Variants in RNF125 observed in about 807,000 individuals in gnomAD.
RNF125 encodes E3 ubiquitin-protein ligase RNF125.
RNF125 carries 21 observed loss-of-function variants against 26.0 expected under a neutral mutation model. The observed-to-expected ratio is 0.81, with a 90% CI of 0.57 to 1.16. The LOEUF (loss-of-function observed/expected upper bound fraction) is 1.16, where lower values mean the gene tolerates loss of function less well. RNF125 is among the 50% of genes most tolerant of loss of function. The pLI is 0.00. For synonymous variants in RNF125, 95 were observed against 109.2 expected, an observed-to-expected ratio of 0.87 and a Z score of 0.81; for missense variants, 270 against 299.4, an observed-to-expected ratio of 0.90 and a Z score of 0.72.
chr18:32,020,001 A>ACT (rs71177828), intron 1 of RNF125, among the ~76,000 whole-genome samples: 46 of 87,842 alleles, frequency 5.2e-4, no homozygotes, highest in South Asian at 7.4e-4. Context: ...CTCTCTGTTT[A>ACT]CTGTGTGTGT....
chr18:32,052,401 G>A (rs963711159), intron 4 of RNF125, among the ~76,000 whole-genome samples: 5 of 151,646 alleles, frequency 3.3e-5, no homozygotes, highest in Non-Finnish European at 7.4e-5. Context: ...GCTGAGGCAG[G>A]AGAATTGTTT....
intron 2 of RNF125, among the ~76,000 whole-genome samples, chr18:32,040,030 C>T (rs533129630): frequency 4.6e-5 from 7 of 152,106 alleles, no homozygotes; most frequent in South Asian, 2.1e-4. Context: ...CTGTCCACCT[C>T]GGCCTCCCAA....
intron 1 of RNF125, among the ~76,000 whole-genome samples, chr18:32,024,390 AACAT>A (rs2039014172): frequency 6.6e-6 from 1 of 151,372 alleles, no homozygotes; most frequent in South Asian, 2.1e-4. Flanking sequence ...TCTCTCCAAG[AACAT>A]ATCTTGCTTT....
intron 4 of RNF125, among the ~76,000 whole-genome samples, chr18:32,047,773 A>G (rs180679602): frequency 4.7e-4 from 71 of 152,282 alleles, no homozygotes; most frequent in African/African-American, 1.6e-3. Flanking sequence ...ATTAAAACAT[A>G]AATATATTAG....
At position 32,037,255 on chromosome 18, in the gene RNF125, G is replaced by A. The variant is rs756609647; in HGVS notation, c.304G>A (p.Glu102Lys). The change falls in exon 2 of 6, where the codon GAG (glutamate) becomes AAG (lysine). Residue 102 changes from glutamate to lysine, a missense_variant. Coordinates refer to ENST00000217740, the MANE Select transcript of RNF125 (RefSeq NM_017831.4). Reference protein sequence around the residue: ...RMKSEYKNCAECDTLVCLSEM... With the variant: ...RMKSEYKNCAKCDTLVCLSEM... ...GAAATCAGAGTATAAGAACTGCGCT[G>A]AGTGTGACACCCTGGTATGTATGTG... is the stretch of plus-strand genomic sequence containing the variant. 1.3e-6 allele frequency: 2 copies of A among 1,580,416 alleles called. No homozygotes were observed. Among genetic ancestry groups the A allele is most frequent in the African/African-American group, 1.4e-5 (1 of 72,752 alleles).
intron 1 of RNF125, among the ~76,000 whole-genome samples, chr18:32,034,145 C>A (rs2039127448): frequency 6.6e-6 from 1 of 152,218 alleles, no homozygotes; most frequent in South Asian, 2.1e-4. Flanking sequence ...GCATTCTCTG[C>A]AGGGTTATTC....
chr18:32,041,514 A>AT (rs1282470801), intron 2 of RNF125, among the ~76,000 whole-genome samples: 13 of 142,704 alleles, frequency 9.1e-5, no homozygotes, highest in African/African-American at 2.9e-4. Flanking sequence ...TTCTTCACCC[A>AT]TTTTTTTCCC....
At chr18:32,044,731 A>AC (rs2039251797) in intron 3 of RNF125, among the ~76,000 whole-genome samples, 1 of 152,164 alleles carries the variant, frequency 6.6e-6, no homozygotes, top group African/African-American at 2.4e-5. Flanking sequence ...TTCCGAATTC[A>AC]CATAACATTT....
Position 32,070,401 on chromosome 18 carries a change from T to G in RNF125, c.*2017T>G, listed in dbSNP as rs920628911. ...ATAGCCAGGCTGGTCTCAAACTCCT[T>G]ACCTTGTGATCCGCCCACCTCAGCC... On this transcript the variant is annotated 3_prime_UTR_variant, in exon 6 of 6. Transcript: ENST00000217740. 7 of 152,162 alleles carry G rather than the reference T, an allele frequency of 4.6e-5. No homozygotes were observed. Among genetic ancestry groups the G allele is most frequent in the Admixed American group, 2.0e-4 (3 of 15,260 alleles). The allele number at this position is 152,162 out of a possible 1,614,324, so 9.4% of individuals were successfully genotyped here.
At chr18:32,037,440 C>T (rs939726611) in intron 2 of RNF125, among the ~76,000 whole-genome samples, 171 bp downstream of exon 2, 1 of 139,948 alleles carries the variant, frequency 7.1e-6, no homozygotes, top group African/African-American at 2.7e-5. Flanking sequence ...GGTGCGATCT[C>T]GGCTTACTGC....
chr18:32,044,894 G>T (rs539890187), intron 3 of RNF125, among the ~76,000 whole-genome samples: 1 of 152,074 alleles, frequency 6.6e-6, no homozygotes, highest in African/African-American at 2.4e-5. Context: ...GTCAAGGCGG[G>T]TGGATTGCTT....
intron 1 of RNF125, among the ~76,000 whole-genome samples, chr18:32,023,516 G>A (rs549055552): frequency 6.6e-6 from 1 of 152,194 alleles, no homozygotes; most frequent in South Asian, 2.1e-4. Flanking sequence ...ATATACACAG[G>A]GTACCAGGCC....
rs775086863 is a variant in RNF125 at position 32,064,396 on chromosome 18, C to CTTTTTTTTTTTTTTTT, written c.505-1498_505-1483dup. Among the ~76,000 whole-genome samples, 145 of 86,804 alleles carry CTTTTTTTTTTTTTTTT rather than the reference C, an allele frequency of 1.7e-3. 2 individuals are homozygous for CTTTTTTTTTTTTTTTT. Among genetic ancestry groups the CTTTTTTTTTTTTTTTT allele is most frequent in the South Asian group, 3.8e-3 (8 of 2,108 alleles). The allele number at this position is 86,804 out of a possible 152,430, so 56.9% of individuals were successfully genotyped here. ...AATCTGGTGAAATCTTTTTCTTTTT[C>CTTTTTTTTTTTTTTTT]TTTTTTTTTTTTTTTTTTTTTTTGA... On this transcript the variant is annotated intron_variant, in intron 4 of 5. Transcript: ENST00000217740.
At chr18:32,053,011 A>T (rs2039343575) in intron 4 of RNF125, among the ~76,000 whole-genome samples, 2 of 152,234 alleles carry the variant, frequency 1.3e-5, no homozygotes, top group Admixed American at 6.5e-5. Context: ...TTTTCTATTA[A>T]ATATTAAATC....
chr18:32,021,378 C>T (rs1270664449), intron 1 of RNF125, among the ~76,000 whole-genome samples: 1 of 152,194 alleles, frequency 6.6e-6, no homozygotes, highest in East Asian at 1.9e-4. Flanking sequence ...TGGAGCCCGG[C>T]CGTAGCTGTA....
the RNF125 span, among the ~76,000 whole-genome samples, chr18:32,088,741 C>T: frequency 6.6e-6 from 1 of 152,174 alleles, no homozygotes; most frequent in Non-Finnish European, 1.5e-5. Flanking sequence ...CTCAAGTGAT[C>T]TGCCTGCCTC....
At chr18:32,026,370 TC>T in intron 1 of RNF125, among the ~76,000 whole-genome samples, 1 of 149,380 alleles carries the variant, frequency 6.7e-6, no homozygotes, top group South Asian at 2.2e-4. Flanking sequence ...TGTCTCAGCA[TC>T]CCGAGTAGCT....
At chr18:32,033,694 C>T (rs1250010207) in intron 1 of RNF125, among the ~76,000 whole-genome samples, 2 of 151,276 alleles carry the variant, frequency 1.3e-5, no homozygotes, top group Non-Finnish European at 2.9e-5. Flanking sequence ...TGGCGCATGC[C>T]TGTAATCCCA....
intron 2 of RNF125, 90 bp downstream of exon 2, chr18:32,037,359 C>A: frequency 6.2e-5 from 26 of 420,882 alleles, no homozygotes; most frequent in Non-Finnish European, 9.9e-5. Context: ...CCCCATGGTA[C>A]GCACCTTTTT....
Sources: gnomAD v4.1 joint callset for allele counts (sites outside exome capture counted in the v4.1 genomes callset) on GRCh38, gnomAD v4.1.1 for gene constraint, MANE v1.5 for transcripts, NCBI Gene and HGNC (gene_info 2026-07-23, HGNC 2026-07-21) for gene names.